The following NHSL2 variants were observed in gnomAD, a reference collection of about 807,000 sequenced individuals.
The protein encoded by NHSL2 is NHS like 2.
A neutral mutation model predicts 53.4 loss-of-function variants in NHSL2; 27 were observed. The ratio of observed to expected loss-of-function variants is 0.51; its 90% CI spans 0.37 to 0.70. The LOEUF (loss-of-function observed/expected upper bound fraction) is 0.70. Among genes scored for constraint, NHSL2 ranks in the 30% least tolerant of loss-of-function variants. The pLI, the probability that NHSL2 is intolerant of heterozygous loss-of-function variation, is 0.00. For synonymous variants in NHSL2, 408 were observed against 404.1 expected (o/e 1.01, Z -0.12); for missense variants, 892 against 980.1 (o/e 0.91, Z 1.20).
At chrX:72,032,550 C>T (rs2042220955) in intron 1 of NHSL2, among the ~76,000 whole-genome samples, 1 of 111,789 alleles carries the variant, frequency 8.9e-6, no homozygotes, top group African/African-American at 3.3e-5. Flanking sequence ...ATCTATATGA[C>T]TTTTTTAATT....
At chrX:71,926,343 G>C (rs942444149) in intron 1 of NHSL2, among the ~76,000 whole-genome samples, 1 of 112,047 alleles carries the variant, frequency 8.9e-6, no homozygotes, top group East Asian at 2.8e-4. Context: ...GAACAAGAGA[G>C]GCCAAAATAT....
chrX:71,929,812 T>A (rs1376914407), intron 1 of NHSL2, among the ~76,000 whole-genome samples: 1 of 110,054 alleles, frequency 9.1e-6, no homozygotes, highest in Non-Finnish European at 1.9e-5. Flanking sequence ...TGAAGTGCGG[T>A]GGCATGATTA....
At chrX:72,110,129 C>T (rs2042078961) in intron 1 of NHSL2, among the ~76,000 whole-genome samples, 1 of 111,558 alleles carries the variant, frequency 9.0e-6, no homozygotes, top group Non-Finnish European at 1.9e-5. Context: ...TTGCCTAGAT[C>T]CTTGCTGCTC....
In NHSL2 at chrX:72,123,571, T is replaced by G. The variant is rs925847867; in HGVS notation, c.281-8508T>G. 1.8e-4 allele frequency among the ~76,000 whole-genome samples: 20 copies of G among 111,738 alleles called. 1 individual carries two copies. Among genetic ancestry groups the G allele is most frequent in the Non-Finnish European group, 5.7e-5 (3 of 53,088 alleles). On this transcript the variant is annotated intron_variant, in intron 1 of 7. Coordinates refer to ENST00000633930, the MANE Select transcript of NHSL2 (RefSeq NM_001013627.3). The stretch of plus-strand genomic sequence containing the variant: ...GTCATCAATTTGGGGACACTCTTTC[T>G]GGCAAGCCTCACAGCCAACAGGCCT...
chrX:71,943,972 A>T (rs5991869), intron 1 of NHSL2, among the ~76,000 whole-genome samples: 2 of 110,706 alleles, frequency 1.8e-5, no homozygotes, highest in South Asian at 3.8e-4. Context: ...GAAGGAGCAA[A>T]GGTTTTCTGC....
intron 1 of NHSL2, among the ~76,000 whole-genome samples, chrX:71,933,064 A>T (rs775129478): frequency 1.8e-5 from 2 of 111,802 alleles, no homozygotes; most frequent in Non-Finnish European, 3.8e-5. Flanking sequence ...AGCCCTCCAC[A>T]CCTATGCTCC....
At chrX:72,039,077 C>CTTTCCTTTCCTTTCCTTTCT (rs2042257724) in intron 1 of NHSL2, among the ~76,000 whole-genome samples, 2 of 39,020 alleles carry the variant, frequency 5.1e-5, no homozygotes, top group African/African-American at 2.0e-4. Context: ...TTTTCCTTTC[C>CTTTCCTTTCCTTTCCTTTCT]TTTCCTTTCC....
At chrX:71,951,013 C>CAA (rs1301314849) in intron 1 of NHSL2, among the ~76,000 whole-genome samples, 2 of 107,924 alleles carry the variant, frequency 1.9e-5, no homozygotes, top group Non-Finnish European at 3.9e-5. Context: ...AATACACACA[C>CAA]ACACACACAC....
chrX:72,117,984 C>T (rs1397594339), intron 1 of NHSL2, among the ~76,000 whole-genome samples: 1 of 110,381 alleles, frequency 9.1e-6, no homozygotes, highest in East Asian at 2.8e-4. Context: ...TGGGTACATG[C>T]CTAGGAGTGG....
intron 1 of NHSL2, among the ~76,000 whole-genome samples, chrX:72,065,438 A>G (rs1248901542): frequency 8.9e-6 from 1 of 112,298 alleles, no homozygotes; most frequent in Non-Finnish European, 1.9e-5. Flanking sequence ...TCAGCCAGCC[A>G]GAACTGAAGG....
chrX:71,982,802 A>G (rs768838168), intron 1 of NHSL2, among the ~76,000 whole-genome samples: 2 of 111,961 alleles, frequency 1.8e-5, no homozygotes, highest in South Asian at 7.4e-4. Context: ...ATCATTTTTT[A>G]TGTCCTTTAT....
Position 72,140,217 on chromosome X carries a change from C to T in NHSL2, c.2669C>T (p.Ser890Phe). ...RPPSLVHKPP[S>F]VPEEYALTSP... ...CCAAGCTTGGTCCACAAGCCACCAT[C>T]TGTTCCTGAGGAGTATGCACTAACT... The change falls in exon 6 of 8, where the codon TCT becomes TTT. Residue 890 changes from serine to phenylalanine, a missense_variant. By Grantham distance (155) the Ser-to-Phe change is radical. Coordinates refer to ENST00000633930, the MANE Select transcript of NHSL2 (RefSeq NM_001013627.3). The T allele has an allele frequency of 8.3e-7, 1 of 1,210,697 alleles. No individual in the cohort carries two copies. The highest frequency in any genetic ancestry group is 1.8e-5 in the South Asian group (1 of 56,817).
At chrX:72,133,580 C>CA (rs2042327569) in intron 2 of NHSL2, 1 of 112,129 alleles carries the variant, frequency 8.9e-6, no homozygotes, top group Non-Finnish European at 1.9e-5. Context: ...CCTGACATCA[C>CA]TTACAGCGGG....
chrX:72,065,709 A>G (rs138871462), intron 1 of NHSL2, among the ~76,000 whole-genome samples: 1 of 112,071 alleles, frequency 8.9e-6, no homozygotes, highest in Non-Finnish European at 1.9e-5. Flanking sequence ...CCCATTATAC[A>G]TGGAAAATGG....
chrX:72,056,552 G>GCA lies in NHSL2; in HGVS notation c.281-75501_281-75500dup, dbSNP rs60731699. ...ATTTGTGTGCTTATTTAACGTCTGC[G>GCA]CACACACACACACACACACACACAC... On this transcript the variant is annotated intron_variant, in intron 1 of 7. Transcript: ENST00000633930. 9.9e-3 allele frequency among the ~76,000 whole-genome samples: 1,029 copies of GCA among 104,460 alleles called. 7 individuals are homozygous for GCA. Among genetic ancestry groups the GCA allele is most frequent in the East Asian group, 0.038 (128 of 3,377 alleles). 90.7% of individuals were successfully genotyped at this position (104,460 alleles called of 115,157 possible).
chrX:72,129,844 C>T (rs1462526303), intron 1 of NHSL2: 5 of 1,189,840 alleles, frequency 4.2e-6, no homozygotes, highest in East Asian at 3.0e-5. Flanking sequence ...AACTCGAATT[C>T]GGCCACGAGC....
chrX:72,126,000 C>G (rs911418785), intron 1 of NHSL2, among the ~76,000 whole-genome samples: 1 of 111,978 alleles, frequency 8.9e-6, no homozygotes, highest in South Asian at 3.7e-4. Flanking sequence ...TTGGGAGTCA[C>G]GAAGACCTGG....
Position 72,147,438 on chromosome X carries a change from T to A in NHSL2, c.*3864T>A, listed in dbSNP as rs1034284171. 7.1e-5 allele frequency: 8 copies of A among 112,437 alleles called. No homozygotes were observed. Among genetic ancestry groups the A allele is most frequent in the Admixed American group, 6.6e-4 (7 of 10,664 alleles). The allele number at this position is 112,437 out of a possible 1,213,427, so 9.3% of individuals were successfully genotyped here. Reference sequence around the variant, plus strand: ...CTATGAACAAGTATAGTCCTTCTGATTTGGGGTCGGGGGTTAACTCCCTAT... The same window carrying A: ...CTATGAACAAGTATAGTCCTTCTGAATTGGGGTCGGGGGTTAACTCCCTAT... On this transcript the variant is annotated 3_prime_UTR_variant, in exon 8 of 8. Coordinates refer to ENST00000633930, the MANE Select transcript of NHSL2 (RefSeq NM_001013627.3).
chrX:72,020,851 G>A (rs916660251), intron 1 of NHSL2, among the ~76,000 whole-genome samples: 3 of 112,815 alleles, frequency 2.7e-5, no homozygotes, highest in East Asian at 2.8e-4. Flanking sequence ...GAAGCAAAGT[G>A]CAGATTCTGT....
Sources: allele counts gnomAD v4.1 joint callset (sites outside exome capture counted in the v4.1 genomes callset), GRCh38; gene constraint gnomAD v4.1.1; transcripts MANE v1.5; gene names NCBI Gene and HGNC (gene_info 2026-07-23, HGNC 2026-07-21).